ARID3B: variants seen among roughly 807,000 people sequenced by gnomAD.
The protein encoded by ARID3B is AT-rich interaction domain 3B.
A neutral mutation model predicts 51.9 loss-of-function variants in ARID3B; 10 were observed. The ratio of observed to expected loss-of-function variants is 0.19; its 90% confidence interval spans 0.12 to 0.33. The LOEUF is 0.33. Ranked by LOEUF, ARID3B falls within the 10% of genes least tolerant of loss-of-function variation. ARID3B has a pLI of 1.00. For missense variants in ARID3B, 483 were observed against 716.3 expected (o/e 0.67, Z 3.72); for synonymous variants, 205 against 279.5 (o/e 0.73, Z 2.66).
At chr15:74,553,360 T>C (rs574628209) in intron 2 of ARID3B, among the ~76,000 whole-genome samples, 1 of 152,262 alleles carries the variant, frequency 6.6e-6, no homozygotes, top group Non-Finnish European at 1.5e-5. Context: ...TAGTTTTACG[T>C]TGAACACATT....
At chr15:74,579,094 G>T (rs919888576) in intron 4 of ARID3B, among the ~76,000 whole-genome samples, 2 of 152,200 alleles carry the variant, frequency 1.3e-5, no homozygotes, top group Non-Finnish European at 2.9e-5. Context: ...AGGCCGCCCC[G>T]AATGACCGCA....
intron 4 of ARID3B, among the ~76,000 whole-genome samples, chr15:74,584,630 C>CT (rs750438314): frequency 2.0e-5 from 3 of 152,224 alleles, no homozygotes; most frequent in Admixed American, 1.3e-4. Flanking sequence ...CTTCAACACT[C>CT]TTACCATCTC....
At chr15:74,560,653 G>A (rs2061676505) in intron 2 of ARID3B, among the ~76,000 whole-genome samples, 1 of 152,194 alleles carries the variant, frequency 6.6e-6, no homozygotes, top group South Asian at 2.1e-4. Flanking sequence ...GTGTCCTGTT[G>A]CCTGTCCTGT....
In ARID3B at chr15:74,597,336, A is replaced by C. The variant is rs2061831373; in HGVS notation, c.*1562A>C. The C allele has an allele frequency of 2.4e-6, 1 of 417,586 alleles. No homozygotes were observed. Among genetic ancestry groups the C allele is most frequent in the African/African-American group, 2.0e-5 (1 of 49,978 alleles). The allele number at this position is 417,586 out of a possible 1,614,324, so 25.9% of individuals were successfully genotyped here. A position where few individuals can be genotyped will look rare whatever the true frequency, so the allele number is the denominator to read the frequency against. On this transcript the variant is annotated 3_prime_UTR_variant, in exon 9 of 9. Coordinates refer to ENST00000346246, the MANE Select transcript of ARID3B (RefSeq NM_006465.4). ...ACATGGGGCTGTGGCAGTGGGAGAC[A>C]CCGCGCGTGGCGTGGGTGTGTGTGG...
intron 2 of ARID3B, among the ~76,000 whole-genome samples, chr15:74,548,867 G>A (rs552936067): frequency 6.6e-5 from 10 of 152,192 alleles, no homozygotes; most frequent in South Asian, 2.1e-4. Flanking sequence ...AGGGAGTTTC[G>A]TGTTTGTTTT....
intron 2 of ARID3B, among the ~76,000 whole-genome samples, chr15:74,557,458 T>C (rs1419125848): frequency 6.6e-6 from 1 of 152,156 alleles, no homozygotes; most frequent in Non-Finnish European, 1.5e-5. Context: ...AAAAATCTTT[T>C]TATTTTGCCC....
At chr15:74,546,709 G>A (rs1483047955) in intron 2 of ARID3B, among the ~76,000 whole-genome samples, 1 of 152,138 alleles carries the variant, frequency 6.6e-6, no homozygotes, top group African/African-American at 2.4e-5. Flanking sequence ...GCTTGGCAGA[G>A]CACCTGCCAA....
At chr15:74,578,171 T>TG (rs1567123590) in intron 4 of ARID3B, among the ~76,000 whole-genome samples, 4 of 2,134 alleles carry the variant, frequency 1.9e-3, no homozygotes, top group Non-Finnish European at 0.018. Flanking sequence ...TTTTTTTTGT[T>TG]TTTTTTTGTT....
chr15:74,545,986 A>C (rs1424814752), intron 2 of ARID3B, among the ~76,000 whole-genome samples: 1 of 152,214 alleles, frequency 6.6e-6, no homozygotes, highest in African/African-American at 2.4e-5. Context: ...GTCCAGTGCC[A>C]GGCACATGGT....
chr15:74,594,945 C>G (rs940739527), intron 8 of ARID3B, among the ~76,000 whole-genome samples: 1 of 152,192 alleles, frequency 6.6e-6, no homozygotes, highest in Non-Finnish European at 1.5e-5. Flanking sequence ...AGGCCTGGAT[C>G]TTGATATCCT....
intron 2 of ARID3B, among the ~76,000 whole-genome samples, chr15:74,550,796 A>G (rs1377309832): frequency 6.6e-6 from 1 of 152,108 alleles, no homozygotes; most frequent in Non-Finnish European, 1.5e-5. Context: ...GCCTCTCTGA[A>G]CCCATGCATC....
At chr15:74,570,116 G>A (rs1246166400) in intron 2 of ARID3B, among the ~76,000 whole-genome samples, 2 of 152,054 alleles carry the variant, frequency 1.3e-5, no homozygotes, top group African/African-American at 4.8e-5. Context: ...GGCATTTTAA[G>A]CTAAGTGGGT....
intron 4 of ARID3B, among the ~76,000 whole-genome samples, chr15:74,589,004 G>A (rs2061792807): frequency 6.9e-6 from 1 of 144,198 alleles, no homozygotes; most frequent in Non-Finnish European, 1.5e-5. Flanking sequence ...AAGCAGGCAT[G>A]TGCAAACAAG....
intron 2 of ARID3B, among the ~76,000 whole-genome samples, chr15:74,567,198 T>C (rs1305204677): frequency 6.6e-6 from 1 of 152,184 alleles, no homozygotes; most frequent in Non-Finnish European, 1.5e-5. Context: ...CTTTCTGTCC[T>C]TATATCCTCC....
chr15:74,560,180 G>A (rs1477280866), intron 2 of ARID3B, among the ~76,000 whole-genome samples: 1 of 151,320 alleles, frequency 6.6e-6, no homozygotes, highest in African/African-American at 2.4e-5. Context: ...ACTCCAGCCT[G>A]GGCAACAGAG....
intron 4 of ARID3B, among the ~76,000 whole-genome samples, chr15:74,585,235 T>G (rs1231059337): frequency 1.2e-4 from 18 of 152,238 alleles, no homozygotes; most frequent in Admixed American, 8.5e-4. Context: ...GCCTCCTTCC[T>G]GGTGCTCTGT....
chr15:74,555,390 C>A (rs949695657), intron 2 of ARID3B, among the ~76,000 whole-genome samples: 1 of 151,862 alleles, frequency 6.6e-6, no homozygotes, highest in East Asian at 1.9e-4. Flanking sequence ...AGTGCAGTGA[C>A]GCAATCACAG....
chr15:74,546,026 T>A (rs893898619), intron 2 of ARID3B, among the ~76,000 whole-genome samples: 1 of 152,198 alleles, frequency 6.6e-6, no homozygotes, highest in African/African-American at 2.4e-5. Context: ...AGCTCTTTTA[T>A]GTAAACAGTG....
chr15:74,570,510 C>T (rs1391798500), intron 2 of ARID3B, among the ~76,000 whole-genome samples: 1 of 132,628 alleles, frequency 7.5e-6, no homozygotes, highest in African/African-American at 2.7e-5. Context: ...GTTTTCATCT[C>T]TCTTGGTGAC....
Sources: allele counts gnomAD v4.1 joint callset (sites outside exome capture counted in the v4.1 genomes callset), GRCh38; gene constraint gnomAD v4.1.1; transcripts MANE v1.5; gene names NCBI Gene and HGNC (gene_info 2026-07-23, HGNC 2026-07-21).